The following ASIC2 variants were observed in gnomAD, a reference collection of about 807,000 sequenced individuals.
ASIC2 encodes the protein acid sensing ion channel subunit 2, also known as acid-sensing ion channel 2.
ASIC2 carries 25 observed loss-of-function variants against 57.3 expected under a neutral mutation model. The observed-to-expected ratio is 0.44, with a 90% CI of 0.32 to 0.61. The LOEUF (loss-of-function observed/expected upper bound fraction) is 0.61. Among genes scored for constraint, ASIC2 ranks in the 20% least tolerant of loss-of-function variants. The pLI is 0.06. For synonymous variants in ASIC2, 319 were observed against 307.5 expected (o/e 1.04, Z -0.39); for missense variants, 641 against 738.1 (o/e 0.87, Z 1.52).
intron 1 of ASIC2, among the ~76,000 whole-genome samples, chr17:33,723,368 A>G (rs1021824107): frequency 6.6e-6 from 1 of 152,164 alleles, no homozygotes; most frequent in African/African-American, 2.4e-5. Context: ...TTGCTCTGTC[A>G]CCCAGGCTGG....
intron 1 of ASIC2, among the ~76,000 whole-genome samples, chr17:33,145,920 T>C (rs988469392): frequency 7.2e-5 from 11 of 152,104 alleles, no homozygotes; most frequent in Non-Finnish European, 1.3e-4. Context: ...TTAGTGGAGC[T>C]CCCTCACCCT....
chr17:34,114,132 C>T (rs548600644), intron 1 of ASIC2, among the ~76,000 whole-genome samples: 2 of 152,290 alleles, frequency 1.3e-5, no homozygotes, highest in South Asian at 2.1e-4. Context: ...ACACACTATT[C>T]CCTGAAGCAG....
intron 1 of ASIC2, among the ~76,000 whole-genome samples, chr17:33,973,635 G>A (rs952131889): frequency 1.3e-5 from 2 of 152,090 alleles, no homozygotes; most frequent in African/African-American, 4.8e-5. Flanking sequence ...TGAATCAAGC[G>A]ACCTCCTGAA....
chr17:33,508,871 T>C (rs1354797193), intron 1 of ASIC2, among the ~76,000 whole-genome samples: 3 of 152,168 alleles, frequency 2.0e-5, no homozygotes, highest in Non-Finnish European at 4.4e-5. Flanking sequence ...TATTTACCCA[T>C]GGAAGGGTGA....
At chr17:34,069,343 T>C (rs1207469056) in intron 1 of ASIC2, 18 of 46,066 alleles carry the variant, frequency 3.9e-4, no homozygotes, top group African/African-American at 1.7e-3. Flanking sequence ...TTTTCTTTCA[T>C]TTTTTTCTTT....
intron 3 of ASIC2, among the ~76,000 whole-genome samples, chr17:33,036,402 T>C (rs903094673): frequency 6.6e-6 from 1 of 152,032 alleles, no homozygotes; most frequent in African/African-American, 2.4e-5. Flanking sequence ...GGAGAAACCC[T>C]CCATGGAGCA....
At chr17:33,056,673 C>G (rs1404367473) in intron 3 of ASIC2, among the ~76,000 whole-genome samples, 2 of 152,172 alleles carry the variant, frequency 1.3e-5, no homozygotes, top group Non-Finnish European at 2.9e-5. Flanking sequence ...GATACAGTTC[C>G]CATCTGGGAT....
At chr17:33,670,264 C>T (rs1377307318) in intron 1 of ASIC2, among the ~76,000 whole-genome samples, 1 of 152,182 alleles carries the variant, frequency 6.6e-6, no homozygotes, top group Non-Finnish European at 1.5e-5. Flanking sequence ...TCCTCCACTG[C>T]ACCGTCAAAT....
At chr17:34,014,756 C>T (rs918410663) in intron 1 of ASIC2, among the ~76,000 whole-genome samples, 2 of 152,190 alleles carry the variant, frequency 1.3e-5, no homozygotes, top group Non-Finnish European at 2.9e-5. Flanking sequence ...ACATGGATAG[C>T]TCCCCATGCA....
chr17:33,917,317 C>T (rs34101080), intron 1 of ASIC2, among the ~76,000 whole-genome samples: 39,745 of 152,042 alleles, frequency 0.26, 6,169 homozygotes, highest in Admixed American at 0.36. Flanking sequence ...CTCCCCAGCG[C>T]CATCTTCCCC....
At position 33,535,883 on chromosome 17, in the gene ASIC2, C is replaced by T. The variant is rs566972350; in HGVS notation, c.556-423816G>A. 1.5e-4 allele frequency among the ~76,000 whole-genome samples: 23 copies of T among 152,284 alleles called. No homozygotes were observed. The South Asian group carries it at 1.7e-3, about 11-fold the overall frequency. On this transcript the variant is annotated intron_variant, in intron 1 of 9. Transcript: ENST00000359872. ...GCCTCCCCACACACTGCTAATTGCA[C>T]GATGCATAAAAGAGACATCAACTTA... is the stretch of plus-strand genomic sequence containing the variant.
At chr17:33,394,467 C>G (rs1910006001) in intron 1 of ASIC2, among the ~76,000 whole-genome samples, 1 of 152,146 alleles carries the variant, frequency 6.6e-6, no homozygotes, top group Non-Finnish European at 1.5e-5. Flanking sequence ...TTGAAAGCCT[C>G]TCAGGTGATT....
At chr17:33,392,196 C>CCTTCTT (rs1567846190) in intron 1 of ASIC2, among the ~76,000 whole-genome samples, 3 of 37,792 alleles carry the variant, frequency 7.9e-5, no homozygotes, top group Non-Finnish European at 1.6e-4. Context: ...CCTTCCTTCC[C>CCTTCTT]TCCTTCCTTC....
chr17:33,149,810 G>A lies in ASIC2; in HGVS notation c.709-37743C>T, dbSNP rs577519550. On this transcript the variant is annotated intron_variant, in intron 1 of 9. Transcript: ENST00000225823. Reference sequence around the variant, plus strand: ...TTATTCATATTTTAATTAGCCATCTGTATTGTATTTTTCCCTTTTCCTTTT... The same window carrying A: ...TTATTCATATTTTAATTAGCCATCTATATTGTATTTTTCCCTTTTCCTTTT... 6.6e-5 allele frequency among the ~76,000 whole-genome samples: 10 copies of A among 152,268 alleles called. No individual in the cohort carries two copies. In the East Asian group the frequency reaches 9.7e-4, roughly 15 times the overall value.
At chr17:33,637,549 G>A (rs1166944988) in intron 1 of ASIC2, among the ~76,000 whole-genome samples, 1 of 152,200 alleles carries the variant, frequency 6.6e-6, no homozygotes, top group African/African-American at 2.4e-5. Flanking sequence ...AATTTGTGCT[G>A]TAAGGGATCT....
intron 1 of ASIC2, among the ~76,000 whole-genome samples, chr17:34,144,316 T>C (rs1912357020): frequency 6.6e-6 from 1 of 152,204 alleles, no homozygotes; most frequent in African/African-American, 2.4e-5. Flanking sequence ...GAACTTTTAT[T>C]TGTGACAAGA....
intron 1 of ASIC2, among the ~76,000 whole-genome samples, chr17:33,255,067 G>C (rs71377478): frequency 1.8e-4 from 20 of 112,826 alleles, no homozygotes; most frequent in Non-Finnish European, 3.1e-4. Flanking sequence ...ACAGAGCCTC[G>C]CTCTGTTTGT....
intron 1 of ASIC2, among the ~76,000 whole-genome samples, chr17:33,834,845 C>T (rs1376902183): frequency 1.3e-5 from 2 of 152,178 alleles, no homozygotes; most frequent in Non-Finnish European, 2.9e-5. Flanking sequence ...CCCTCCTATG[C>T]CCAGGCAGTG....
intron 1 of ASIC2, among the ~76,000 whole-genome samples, chr17:33,312,825 C>CG: frequency 6.6e-6 from 1 of 152,102 alleles, no homozygotes; most frequent in South Asian, 2.1e-4. Context: ...AATCCTGGCT[C>CG]TTCGGGAAGC....
Sources: allele counts gnomAD v4.1 joint callset (sites outside exome capture counted in the v4.1 genomes callset), GRCh38; gene constraint gnomAD v4.1.1; transcripts MANE v1.5; gene names NCBI Gene and HGNC (gene_info 2026-07-23, HGNC 2026-07-21).